Variants in MTMR14 observed in about 807,000 individuals in gnomAD.
MTMR14 encodes the protein phosphatidylinositol-3,5-bisphosphate 3-phosphatase MTMR14.
Under a neutral mutation model 86.3 loss-of-function variants are expected in MTMR14, and 48 were observed. That is an observed-to-expected ratio of 0.56 (90% CI 0.44 to 0.71). MTMR14 has a LOEUF of 0.71. MTMR14 is among the 30% of genes least tolerant of loss of function. The probability of loss-of-function intolerance (pLI) is 0.00; values close to 1 mark genes in which losing one functional copy is unlikely to be tolerated. For synonymous variants in MTMR14, 366 were observed against 326.1 expected (o/e 1.12, Z -1.32); for missense variants, 780 against 834.6 (o/e 0.93, Z 0.81).
chr3:9,656,987 GCTGCGGCCTT>G (rs1397934248), intron 2 of MTMR14, among the ~76,000 whole-genome samples: 2 of 151,938 alleles, frequency 1.3e-5, no homozygotes, highest in East Asian at 3.9e-4. Context: ...ATCATGGCTT[GCTGCGGCCTT>G]GATCCCCTGG....
At chr3:9,683,413 G>A (rs746141062) in intron 10 of MTMR14, 169 bp downstream of exon 10, 2 of 663,172 alleles carry the variant, frequency 3.0e-6, no homozygotes, top group Non-Finnish European at 5.4e-6. Flanking sequence ...TTTGTCCATT[G>A]GTGGCTTTAT....
At position 9,697,758 on chromosome 3, in the gene MTMR14, G is replaced by A. The variant is rs540106956; in HGVS notation, c.1661G>A (p.Gly554Asp). 2.5e-6 allele frequency: 4 copies of A among 1,614,164 alleles called. No individual in the cohort carries two copies. The East Asian group carries it at 6.7e-5, about 27-fold the overall frequency. ...GGATCCTCTCTCTCCACAGACTATG[G>A]CAGCTGGCAGATGGTAACGGGCTGT... ...LPGSSLSTDY[G>D]SWQMVTGCGS... Residue 554 changes from glycine to aspartate, a missense_variant, in exon 18 of 19, where the codon GGC (glycine) becomes GAC (aspartate). Transcript: ENST00000296003.
intron 2 of MTMR14, among the ~76,000 whole-genome samples, chr3:9,660,192 C>T (rs1043799687): frequency 6.6e-6 from 1 of 151,740 alleles, no homozygotes; most frequent in Non-Finnish European, 1.5e-5. Context: ...AGGCAGCACA[C>T]TCTGGTTCTC....
rs772976913 is a variant in MTMR14, at chr3:9,701,835, C to T, written c.1815C>T (p.Arg605=). 10 of 1,613,828 alleles carry T rather than the reference C, an allele frequency of 6.2e-6. No homozygotes were observed. Among genetic ancestry groups the T allele is most frequent in the East Asian group, 2.2e-5 (1 of 44,890 alleles). ...GAGAGACTCGGCTGCAGGAGGTGCGCTCAGCCTTCTTGGCTGCGTACAGCA... is the reference window on the plus strand; with the variant it reads ...GAGAGACTCGGCTGCAGGAGGTGCGTTCAGCCTTCTTGGCTGCGTACAGCA... ...SDRETRLQEV[R]SAFLAAYSST... is the part of the protein sequence containing the mutation. The change falls in exon 19 of 19, where the codon CGC becomes CGT. Residue 605 remains arginine (R), a synonymous_variant. Transcript: ENST00000296003. The surrounding 1 kb of genome is among the most constrained non-coding windows in gnomAD (Gnocchi z 4.2).
At chr3:9,669,323 G>T in intron 4 of MTMR14, 109 bp from the exon 5 acceptor site, 1 of 1,050,700 alleles carries the variant, frequency 9.5e-7, no homozygotes, top group Non-Finnish European at 1.4e-6. Flanking sequence ...GTAGAGCCAT[G>T]TAGTCCCAGC....
intron 3 of MTMR14, among the ~76,000 whole-genome samples, chr3:9,666,465 T>C (rs1298407769): frequency 2.6e-5 from 4 of 152,212 alleles, no homozygotes; most frequent in Admixed American, 6.5e-5. Context: ...ACTTAAGATA[T>C]GCTTTAAGTG....
chr3:9,684,734 G>A, intron 11 of MTMR14, 64 bp downstream of exon 11: 1 of 1,583,044 alleles, frequency 6.3e-7, no homozygotes, highest in Non-Finnish European at 8.7e-7. Flanking sequence ...TCTCCAGACA[G>A]AGGGTGGAGC....
chr3:9,674,645 C>G (rs1311279201), intron 7 of MTMR14, among the ~76,000 whole-genome samples: 1 of 152,000 alleles, frequency 6.6e-6, no homozygotes, highest in Admixed American at 6.6e-5. Context: ...ATAGAAAATG[C>G]TTACACTTTT....
At chr3:9,651,900 C>T (rs1277089800) in intron 1 of MTMR14, among the ~76,000 whole-genome samples, 1 of 150,692 alleles carries the variant, frequency 6.6e-6, no homozygotes, top group African/African-American at 2.4e-5. Flanking sequence ...GGCGTGATCT[C>T]GGCTCACTGC....
At chr3:9,694,441 A>G (rs1447391679) in intron 17 of MTMR14, among the ~76,000 whole-genome samples, 1 of 152,234 alleles carries the variant, frequency 6.6e-6, no homozygotes, top group Non-Finnish European at 1.5e-5. Context: ...CAGGAATTCA[A>G]GACTAGGCTG....
chr3:9,685,139 C>A, intron 12 of MTMR14, 72 bp from the exon 13 acceptor site: 1 of 1,600,036 alleles, frequency 6.2e-7, no homozygotes, highest in South Asian at 1.1e-5. Flanking sequence ...CAGTCTGTGT[C>A]TGGTGACCCT....
chr3:9,671,602 C>T (rs1553674226), intron 6 of MTMR14, among the ~76,000 whole-genome samples: 1 of 149,466 alleles, frequency 6.7e-6, no homozygotes, highest in Non-Finnish European at 1.5e-5. Flanking sequence ...CCTCCTGCCT[C>T]AGCTTCCCAA....
At chr3:9,687,558 T>TA (rs756707748) in intron 13 of MTMR14, among the ~76,000 whole-genome samples, 8,747 of 133,362 alleles carry the variant, frequency 0.066, 583 homozygotes, top group African/African-American at 0.18. Flanking sequence ...CTGTCTCAAA[T>TA]AAAAAAAAAA....
chr3:9,653,906 C>A, intron 2 of MTMR14, 137 bp downstream of exon 2: 1 of 1,192,128 alleles, frequency 8.4e-7, no homozygotes, highest in Non-Finnish European at 1.2e-6. Context: ...TTATTTACTT[C>A]AAGGTTGGAC....
intron 2 of MTMR14, among the ~76,000 whole-genome samples, chr3:9,661,494 G>A (rs188411887): frequency 1.9e-4 from 29 of 152,226 alleles, no homozygotes; most frequent in African/African-American, 7.0e-4. Context: ...GCATGGACTC[G>A]TACTGATCTG....
intron 3 of MTMR14, 133 bp from the exon 4 acceptor site, chr3:9,668,586 G>A (rs1228936819): frequency 1.2e-6 from 1 of 822,514 alleles, no homozygotes; most frequent in African/African-American, 1.7e-5. Flanking sequence ...CAGCCTTGAT[G>A]CTGATAAAAC....
At chr3:9,664,784 T>C (rs893630986) in intron 3 of MTMR14, among the ~76,000 whole-genome samples, 12 of 149,668 alleles carry the variant, frequency 8.0e-5, no homozygotes, top group Middle Eastern at 3.5e-3. Flanking sequence ...GGGGGAGGAG[T>C]GGGGATGGTT....
chr3:9,674,673 C>G (rs1385494860), intron 7 of MTMR14, among the ~76,000 whole-genome samples: 1 of 152,138 alleles, frequency 6.6e-6, no homozygotes, highest in East Asian at 1.9e-4. Context: ...GAAAACGTCA[C>G]AGAGCTTAAG....
intron 3 of MTMR14, among the ~76,000 whole-genome samples, chr3:9,663,895 TCTC>T (rs1246298904): frequency 6.6e-6 from 1 of 151,430 alleles, no homozygotes; most frequent in African/African-American, 2.4e-5. Flanking sequence ...TTCAAGCAAT[TCTC>T]CTGCCTCAGC....
Sources: allele counts gnomAD v4.1 joint callset (sites outside exome capture counted in the v4.1 genomes callset), GRCh38; gene constraint gnomAD v4.1.1; non-coding constraint Gnocchi (gnomAD v3.1); transcripts MANE v1.5; gene names NCBI Gene and HGNC (gene_info 2026-07-23, HGNC 2026-07-21).